Variants in PAK5 observed in about 807,000 individuals in gnomAD.
The protein encoded by PAK5 is p21 (RAC1) activated kinase 5.
A neutral mutation model predicts 65.9 loss-of-function variants in PAK5; 16 were observed. The ratio of observed to expected loss-of-function variants is 0.24; its 90% CI spans 0.16 to 0.37. The LOEUF is 0.37. PAK5 is among the 10% of genes least tolerant of loss of function. The pLI, the probability that PAK5 is intolerant of heterozygous loss-of-function variation, is 1.00. For synonymous variants in PAK5, 371 were observed against 354.9 expected (o/e 1.05, Z -0.51); for missense variants, 785 against 903.9 (o/e 0.87, Z 1.69).
intron 1 of PAK5, among the ~76,000 whole-genome samples, chr20:9,809,502 T>C (rs1263415561): frequency 6.6e-6 from 1 of 152,112 alleles, no homozygotes; most frequent in Non-Finnish European, 1.5e-5. Context: ...ATGATCACAC[T>C]CAGGCAAATA....
chr20:9,550,965 C>G (rs1421853200), intron 7 of PAK5, among the ~76,000 whole-genome samples: 1 of 151,922 alleles, frequency 6.6e-6, no homozygotes, highest in Non-Finnish European at 1.5e-5. Flanking sequence ...GAAAAATGCC[C>G]AAACCCCTCA....
intron 3 of PAK5, among the ~76,000 whole-genome samples, chr20:9,595,709 T>C (rs2123081951): frequency 6.6e-6 from 1 of 152,320 alleles, no homozygotes; most frequent in Non-Finnish European, 1.5e-5. Context: ...CAGGGGTGTT[T>C]TGGCCCAGGA....
intron 2 of PAK5, among the ~76,000 whole-genome samples, chr20:9,704,880 G>A (rs1600265137): frequency 6.6e-6 from 1 of 152,150 alleles, no homozygotes; most frequent in African/African-American, 2.4e-5. Context: ...TGCTGTATAG[G>A]CCTTGAGAGA....
At chr20:9,663,326 G>A (rs1011614324) in intron 2 of PAK5, among the ~76,000 whole-genome samples, 1 of 152,098 alleles carries the variant, frequency 6.6e-6, no homozygotes, top group South Asian at 2.1e-4. Flanking sequence ...AGGAAATATT[G>A]CTAGAATAAT....
intron 2 of PAK5, among the ~76,000 whole-genome samples, chr20:9,697,710 C>T (rs139915527): frequency 1.3e-5 from 2 of 152,228 alleles, no homozygotes; most frequent in East Asian, 3.9e-4. Context: ...AAAATCTTCC[C>T]CATACCTTTA....
chr20:9,586,223 A>C (rs987921781), intron 3 of PAK5, among the ~76,000 whole-genome samples: 1 of 152,216 alleles, frequency 6.6e-6, no homozygotes, highest in Non-Finnish European at 1.5e-5. Context: ...TGTTAGTGTT[A>C]GAAATTCACC....
intron 3 of PAK5, among the ~76,000 whole-genome samples, chr20:9,602,676 A>G (rs1427390094): frequency 6.6e-6 from 1 of 152,200 alleles, no homozygotes; most frequent in Non-Finnish European, 1.5e-5. Flanking sequence ...GACAGAGCTG[A>G]GATTCAGAGC....
intron 1 of PAK5, among the ~76,000 whole-genome samples, chr20:9,749,273 C>G (rs576425215): frequency 6.6e-6 from 1 of 152,212 alleles, no homozygotes; most frequent in Non-Finnish European, 1.5e-5. Context: ...ATAATTCACA[C>G]ACACACAATT....
chr20:9,786,118 A>G (rs1289268320), intron 1 of PAK5, among the ~76,000 whole-genome samples: 2 of 152,166 alleles, frequency 1.3e-5, no homozygotes, highest in African/African-American at 4.8e-5. Flanking sequence ...CAGGATGAAG[A>G]CAGCAAAAAG....
intron 1 of PAK5, among the ~76,000 whole-genome samples, chr20:9,716,506 T>G (rs2048148747): frequency 6.6e-6 from 1 of 152,204 alleles, no homozygotes; most frequent in Non-Finnish European, 1.5e-5. Context: ...CTAAATGCAT[T>G]TTGTAAATTT....
intron 1 of PAK5, among the ~76,000 whole-genome samples, chr20:9,781,932 G>A (rs369895917): frequency 8.5e-5 from 13 of 152,264 alleles, no homozygotes; most frequent in African/African-American, 3.1e-4. Flanking sequence ...CAGCGCAGCA[G>A]TCCGAATAAT....
intron 2 of PAK5, among the ~76,000 whole-genome samples, chr20:9,690,642 C>G (rs901899529): frequency 6.6e-6 from 1 of 151,742 alleles, no homozygotes; most frequent in East Asian, 1.9e-4. Context: ...CACCCTGGAT[C>G]TAGGAAGCTG....
At chr20:9,640,453 G>A (rs2123259305) in intron 3 of PAK5, among the ~76,000 whole-genome samples, 1 of 152,062 alleles carries the variant, frequency 6.6e-6, no homozygotes, top group East Asian at 1.9e-4. Context: ...TCTTGATCCA[G>A]TCTATCATTG....
chr20:9,816,853 T>A (rs1408130431), intron 1 of PAK5, among the ~76,000 whole-genome samples: 1 of 152,196 alleles, frequency 6.6e-6, no homozygotes, highest in African/African-American at 2.4e-5. Flanking sequence ...GTTCTATTTT[T>A]TCTACTGTAA....
chr20:9,748,003 T>TCAATGCA (rs1249935268), intron 1 of PAK5, among the ~76,000 whole-genome samples: 6 of 152,162 alleles, frequency 3.9e-5, no homozygotes, highest in Admixed American at 2.0e-4. Flanking sequence ...GGATACAAAA[T>TCAATGCA]CAATGCACAA....
chr20:9,645,772 G>A (rs1188495088), intron 2 of PAK5, among the ~76,000 whole-genome samples: 1 of 152,126 alleles, frequency 6.6e-6, no homozygotes, highest in Non-Finnish European at 1.5e-5. Context: ...ATTTTTAGTA[G>A]AGATGGGGTT....
chr20:9,615,009 G>A (rs2046629765), intron 3 of PAK5, among the ~76,000 whole-genome samples: 1 of 152,094 alleles, frequency 6.6e-6, no homozygotes, highest in Admixed American at 6.6e-5. Flanking sequence ...ATATACAAAT[G>A]TGCTACCGAG....
At chr20:9,714,814 A>T (rs552064551) in intron 1 of PAK5, among the ~76,000 whole-genome samples, 1 of 152,302 alleles carries the variant, frequency 6.6e-6, no homozygotes, top group East Asian at 1.9e-4. Context: ...CTATTTAATA[A>T]ATGGTGCTGG....
At chr20:9,760,578 A>G (rs535762233) in intron 1 of PAK5, among the ~76,000 whole-genome samples, 2 of 84,736 alleles carry the variant, frequency 2.4e-5, no homozygotes, top group Admixed American at 1.1e-4. Flanking sequence ...GATGGTTGAG[A>G]AAAAAAAAAA....
Sources: allele counts gnomAD v4.1 joint callset (sites outside exome capture counted in the v4.1 genomes callset), GRCh38; gene constraint gnomAD v4.1.1; transcripts MANE v1.5; gene names NCBI Gene and HGNC (gene_info 2026-07-23, HGNC 2026-07-21).